Variants in RBFOX1 observed in about 807,000 individuals in gnomAD.
The protein encoded by RBFOX1 is RNA binding fox-1 homolog 1.
RBFOX1 carries 8 observed loss-of-function variants against 57.7 expected under a neutral mutation model. The observed-to-expected ratio is 0.14, with a 90% CI of 0.08 to 0.25. The LOEUF is 0.25. Among genes scored for constraint, RBFOX1 ranks in the 10% least tolerant of loss-of-function variants. RBFOX1 has a pLI of 1.00. For missense variants in RBFOX1, 611 were observed against 548.5 expected (o/e 1.11, Z -1.14); for synonymous variants, 326 against 222.4 (o/e 1.47, Z -4.15).
At chr16:7,286,868 A>G (rs866963180) in intron 4 of RBFOX1, among the ~76,000 whole-genome samples, 1 of 151,840 alleles carries the variant, frequency 6.6e-6, no homozygotes, top group African/African-American at 2.4e-5. Flanking sequence ...ACCTCAGATG[A>G]TCCACCCGCC....
intron 3 of RBFOX1, among the ~76,000 whole-genome samples, chr16:5,706,505 T>C (rs2151493757): frequency 6.6e-6 from 1 of 152,258 alleles, no homozygotes; most frequent in East Asian, 1.9e-4. Flanking sequence ...ACGTCCTGGG[T>C]GGGAGAAAGT....
intron 4 of RBFOX1, among the ~76,000 whole-genome samples, chr16:6,003,161 C>A (rs1217605024): frequency 6.6e-6 from 1 of 152,160 alleles, no homozygotes; most frequent in East Asian, 1.9e-4. Context: ...CGGTTGTAGT[C>A]CCAGGTACTC....
chr16:6,903,669 A>T (rs561557910), intron 3 of RBFOX1, among the ~76,000 whole-genome samples: 1 of 152,100 alleles, frequency 6.6e-6, no homozygotes, highest in East Asian at 1.9e-4. Flanking sequence ...CTCTTTACCT[A>T]AAAAGAGATG....
At chr16:7,688,966 G>C (rs1010781739) in intron 14 of RBFOX1, among the ~76,000 whole-genome samples, 1 of 151,994 alleles carries the variant, frequency 6.6e-6, no homozygotes, top group Non-Finnish European at 1.5e-5. Flanking sequence ...CAGAACCTTA[G>C]ATAGTAAAAG....
chr16:6,218,604 C>T (rs967860253), intron 1 of RBFOX1, among the ~76,000 whole-genome samples: 13 of 152,126 alleles, frequency 8.5e-5, no homozygotes, highest in African/African-American at 2.4e-4. Flanking sequence ...ACCACTGCGC[C>T]GGCCTTAGTA....
chr16:5,628,580 T>C (rs888441666), intron 3 of RBFOX1, among the ~76,000 whole-genome samples: 1 of 152,160 alleles, frequency 6.6e-6, no homozygotes, highest in Admixed American at 6.5e-5. Context: ...TGCTGAACTG[T>C]CCTAGAGTTA....
At chr16:7,223,175 A>C in intron 4 of RBFOX1, among the ~76,000 whole-genome samples, 1 of 152,256 alleles carries the variant, frequency 6.6e-6, no homozygotes, top group East Asian at 1.9e-4. Flanking sequence ...CAGCCAGGAC[A>C]ACAAAGGTTA....
chr16:6,582,711 ATCT>A (rs1409726290), intron 2 of RBFOX1, among the ~76,000 whole-genome samples: 3 of 147,474 alleles, frequency 2.0e-5, no homozygotes, highest in Admixed American at 2.0e-4. Flanking sequence ...TTCATTTCTC[ATCT>A]TCTTCCTCTC....
chr16:7,059,173 G>C (rs1242169686), intron 4 of RBFOX1, among the ~76,000 whole-genome samples: 3 of 152,162 alleles, frequency 2.0e-5, no homozygotes, highest in Non-Finnish European at 4.4e-5. Context: ...TGAGCTATCA[G>C]AATCAGAGAT....
intron 4 of RBFOX1, among the ~76,000 whole-genome samples, chr16:7,390,632 A>G (rs1274738904): frequency 6.6e-6 from 1 of 152,194 alleles, no homozygotes; most frequent in Admixed American, 6.5e-5. Flanking sequence ...TCATTTTCGG[A>G]TTGTGTGAGG....
chr16:6,181,326 C>A lies in RBFOX1; in HGVS notation c.-126-135669C>A, dbSNP rs1430889102. Among the ~76,000 whole-genome samples, 4 of 152,152 alleles carry A rather than the reference C, an allele frequency of 2.6e-5. No individual in the cohort carries two copies. In the East Asian group the frequency reaches 7.7e-4, roughly 29 times the overall value. On this transcript the variant is annotated intron_variant, in intron 1 of 15. Transcript: ENST00000550418. ...CCTTTGTGTTAACTAGGGATGAAGC[C>A]CTCATCTAGAATACCAAAGAGTCCC...
chr16:6,256,364 G>T (rs1004234901), intron 1 of RBFOX1, among the ~76,000 whole-genome samples: 3 of 148,132 alleles, frequency 2.0e-5, no homozygotes, highest in Non-Finnish European at 4.5e-5. Context: ...AGGGGAAGAG[G>T]TTGGGTAAGA....
intron 4 of RBFOX1, among the ~76,000 whole-genome samples, chr16:7,196,507 C>A (rs2086731784): frequency 6.6e-6 from 1 of 152,212 alleles, no homozygotes; most frequent in South Asian, 2.1e-4. Flanking sequence ...GAGGCGTCTA[C>A]AATGTGCAGG....
chr16:6,483,433 G>A, intron 2 of RBFOX1: 6 of 1,535,616 alleles, frequency 3.9e-6, no homozygotes, highest in Non-Finnish European at 5.2e-6. Flanking sequence ...GCCGTTTGCT[G>A]TTGCCTCGGA....
intron 4 of RBFOX1, among the ~76,000 whole-genome samples, chr16:7,127,015 A>G (rs1216960970): frequency 6.6e-6 from 1 of 151,510 alleles, no homozygotes; most frequent in East Asian, 1.9e-4. Context: ...CGTCTCAAAA[A>G]AAAAAAAAAA....
At chr16:7,155,181 T>C (rs1387636119) in intron 4 of RBFOX1, among the ~76,000 whole-genome samples, 2 of 152,194 alleles carry the variant, frequency 1.3e-5, no homozygotes, top group Non-Finnish European at 2.9e-5. Context: ...CAAGATTTAT[T>C]TTAAAATCAA....
intron 4 of RBFOX1, among the ~76,000 whole-genome samples, chr16:7,333,423 A>G (rs1394691021): frequency 1.3e-5 from 2 of 152,212 alleles, no homozygotes; most frequent in Non-Finnish European, 2.9e-5. Flanking sequence ...AGAGCAGATC[A>G]TGAGACAAAG....
chr16:6,637,452 A>G (rs2098453668), intron 2 of RBFOX1, among the ~76,000 whole-genome samples: 1 of 46,940 alleles, frequency 2.1e-5, no homozygotes, highest in Non-Finnish European at 4.8e-5. Flanking sequence ...ATGTAAATGT[A>G]TATAATATGT....
chr16:5,422,359 G>T (rs959541719), intron 1 of RBFOX1, among the ~76,000 whole-genome samples: 2 of 96,068 alleles, frequency 2.1e-5, no homozygotes, highest in South Asian at 8.2e-4. Flanking sequence ...GGAGAAGGAG[G>T]GAGCAGGGAG....
Sources: allele counts gnomAD v4.1 joint callset (sites outside exome capture counted in the v4.1 genomes callset), GRCh38; gene constraint gnomAD v4.1.1; transcripts MANE v1.5; gene names NCBI Gene and HGNC (gene_info 2026-07-23, HGNC 2026-07-21).